MAP3K19: variants seen among roughly 807,000 people sequenced by gnomAD.
The protein encoded by MAP3K19 is mitogen-activated protein kinase kinase kinase 19, also known as SPS1/STE20-related protein kinase YSK4.
MAP3K19 carries 91 observed loss-of-function variants against 114.4 expected under a neutral mutation model. The ratio of observed to expected loss-of-function variants is 0.80; its 90% CI spans 0.67 to 0.95. MAP3K19 has a LOEUF of 0.95. Among genes scored for constraint, MAP3K19 ranks in the 40% least tolerant of loss-of-function variants. MAP3K19 has a pLI of 0.00. For missense variants in MAP3K19, 1,471 were observed against 1,573.2 expected, an observed-to-expected ratio of 0.94 and a Z score of 1.10; for synonymous variants, 518 against 530.5, an observed-to-expected ratio of 0.98 and a Z score of 0.32.
intron 6 of MAP3K19, among the ~76,000 whole-genome samples, chr2:135,004,399 T>C (rs992347684): frequency 6.6e-6 from 1 of 152,094 alleles, no homozygotes; most frequent in Non-Finnish European, 1.5e-5. Context: ...AGATTCCCAG[T>C]GGGCGTGAGA....
chr2:134,986,428 A>G lies in MAP3K19; in HGVS notation c.2444T>C (p.Met815Thr). The change falls in exon 10 of 13, where the codon ATG becomes ACG. Residue 815 changes from methionine (M) to threonine (T), a missense_variant. By Grantham distance (81) the Met-to-Thr change is moderately conservative. Coordinates refer to ENST00000392915, the MANE Select transcript of MAP3K19 (RefSeq NM_025052.5). ...GTCTCTATCACCAGTAGACTCTTCCATAGAAACTTCTTCAACAATGGATAA... is the reference window on the plus strand; with the variant it reads ...GTCTCTATCACCAGTAGACTCTTCCGTAGAAACTTCTTCAACAATGGATAA... ...SDLSIVEEVS[M>T]EESTGDRDIS... 1 of 1,614,032 alleles carries G rather than the reference A, an allele frequency of 6.2e-7. No homozygotes were observed. Among genetic ancestry groups the G allele is most frequent in the Non-Finnish European group, 8.5e-7 (1 of 1,180,034 alleles).
chr2:135,025,372 C>CTTT (rs1054458367), intron 3 of MAP3K19, among the ~76,000 whole-genome samples: 2 of 70,138 alleles, frequency 2.9e-5, no homozygotes, highest in African/African-American at 7.1e-5. Context: ...ATGGCCTTTT[C>CTTT]TTTTCTTTTT....
At chr2:134,968,599 GGTT>G (rs1680972275) in intron 12 of MAP3K19, among the ~76,000 whole-genome samples, 2 of 149,806 alleles carry the variant, frequency 1.3e-5, no homozygotes, top group South Asian at 4.2e-4. Flanking sequence ...CAGACGGGGC[GGTT>G]GCCAGGCAGA....
At chr2:135,007,000 C>T (rs1019432748) in intron 5 of MAP3K19, among the ~76,000 whole-genome samples, 1 of 151,530 alleles carries the variant, frequency 6.6e-6, no homozygotes, top group Non-Finnish European at 1.5e-5. Context: ...CCCATCTCTA[C>T]AAAAAATACA....
In MAP3K19 at chr2:134,980,814, T is replaced by C. The variant is rs1342477346; in HGVS notation, c.3920+7A>G. On this transcript the variant is annotated splice_region_variant and intron_variant, in intron 12 of 12. Coordinates refer to ENST00000392915, the MANE Select transcript of MAP3K19 (RefSeq NM_025052.5). Reference sequence around the variant, plus strand: ...TTATCTTCCTCCTCTTGCTTTCAGTTTCTTACCTGGTCAGGCACATGCGCA... The same window carrying C: ...TTATCTTCCTCCTCTTGCTTTCAGTCTCTTACCTGGTCAGGCACATGCGCA... 1.2e-6 allele frequency: 2 copies of C among 1,605,724 alleles called. No homozygotes were observed. Among genetic ancestry groups the C allele is most frequent in the East Asian group, 4.5e-5 (2 of 44,662 alleles).
rs1688624374 is a variant in MAP3K19 at position 135,040,471 on chromosome 2, G to A, written c.-392C>T. On this transcript the variant is annotated 5_prime_UTR_variant, in exon 2 of 13. Transcript: ENST00000392915. ...ATTGGACTTCGGTAATATAGTCACA[G>A]ATGAGTTCCACATCACCTCTTGAAA... 1 of 152,608 alleles carries A rather than the reference G, an allele frequency of 6.6e-6. No homozygotes were observed. Among genetic ancestry groups the A allele is most frequent in the African/African-American group, 2.4e-5 (1 of 41,444 alleles). 9.5% of individuals were successfully genotyped at this position (152,608 alleles called of 1,614,324 possible).
chr2:134,981,343 T>A lies in MAP3K19; in HGVS notation c.3398A>T (p.Glu1133Val). Residue 1133 changes from glutamate to valine, a missense_variant, in exon 12 of 13, where the codon GAG becomes GTG. Physicochemically the swap from Glu to Val is moderately radical, Grantham distance 121 (BLOSUM62 -2). Coordinates refer to ENST00000392915, the MANE Select transcript of MAP3K19 (RefSeq NM_025052.5). Reference protein sequence around the residue: ...IVAYLGTCLQENTVSIFMEFV... With the variant: ...IVAYLGTCLQVNTVSIFMEFV... ...CTCCATGAAAATGCTCACAGTGTTC[T>A]CTTGCAAGCATGTCCCCAAATAGGC... 1 of 1,614,238 alleles carries A rather than the reference T, an allele frequency of 6.2e-7. No homozygotes were observed. Among genetic ancestry groups the A allele is most frequent in the Non-Finnish European group, 8.5e-7 (1 of 1,180,048 alleles).
intron 12 of MAP3K19, among the ~76,000 whole-genome samples, chr2:134,978,098 G>A (rs533725120): frequency 1.3e-5 from 2 of 152,056 alleles, no homozygotes; most frequent in South Asian, 4.2e-4. Context: ...TTGATGCCAT[G>A]CATTTCTGTT....
intron 12 of MAP3K19, among the ~76,000 whole-genome samples, chr2:134,980,482 A>C (rs1008235277): frequency 6.6e-6 from 1 of 152,182 alleles, no homozygotes; most frequent in African/African-American, 2.4e-5. Context: ...AGATGATGTC[A>C]TTTCACCCTA....
chr2:134,990,080 C>T (rs1685451424), intron 9 of MAP3K19, among the ~76,000 whole-genome samples: 1 of 146,886 alleles, frequency 6.8e-6, no homozygotes, highest in Non-Finnish European at 1.5e-5. Flanking sequence ...GAGACTCTGT[C>T]TCAAAAAAAA....
chr2:134,998,877 T>C lies in MAP3K19; in HGVS notation c.435A>G (p.Lys145=), dbSNP rs1262744900. The change falls in exon 8 of 13, where the codon AAA becomes AAG. Residue 145 remains lysine, a synonymous_variant. Coordinates refer to ENST00000392915, the MANE Select transcript of MAP3K19 (RefSeq NM_025052.5). Reference sequence around the variant, plus strand: ...TGCAGAGCTCCCTGGAACTTTCCTCTTTTTGCAAAACTAAGGGCCGCATGG... The same window carrying C: ...TGCAGAGCTCCCTGGAACTTTCCTCCTTTTGCAAAACTAAGGGCCGCATGG... ...KLTMRPLVLQ[K]EESSRELCNV... 3 of 1,614,124 alleles carry C rather than the reference T, an allele frequency of 1.9e-6. No individual in the cohort carries two copies. The highest frequency in any genetic ancestry group is 2.7e-5 in the African/African-American group (2 of 74,946).
At chr2:135,032,406 C>T (rs995418136) in intron 2 of MAP3K19, among the ~76,000 whole-genome samples, 6 of 150,284 alleles carry the variant, frequency 4.0e-5, no homozygotes, top group African/African-American at 1.5e-4. Flanking sequence ...GTCAGTTCCT[C>T]AAATGATTAA....
chr2:134,978,230 A>G (rs1299450028), intron 12 of MAP3K19, among the ~76,000 whole-genome samples: 2 of 148,558 alleles, frequency 1.3e-5, no homozygotes, highest in Admixed American at 6.8e-5. Flanking sequence ...TCTGTCCCTT[A>G]GGCTGGAGTG....
chr2:134,984,189 C>T (rs1684923498), intron 10 of MAP3K19, among the ~76,000 whole-genome samples: 1 of 152,130 alleles, frequency 6.6e-6, no homozygotes, highest in Admixed American at 6.5e-5. Flanking sequence ...ATCTCCTCAG[C>T]CCCCTAACCT....
At position 134,964,922 on chromosome 2, in the gene MAP3K19, A is replaced by G; in HGVS notation, c.3921-6T>C. On this transcript the variant is annotated splice_region_variant and splice_polypyrimidine_tract_variant and intron_variant, in intron 12 of 12. Transcript: ENST00000392915. ...AAGGTCGCTCATGCTGGTCCCTAAG[A>G]AGGGAAAAACACATTAGAAGCAGCA... 6.2e-7 allele frequency: 1 copy of G among 1,610,880 alleles called. No individual in the cohort carries two copies. The highest frequency in any genetic ancestry group is 8.5e-7 in the Non-Finnish European group (1 of 1,177,850).
intron 5 of MAP3K19, among the ~76,000 whole-genome samples, chr2:135,008,289 A>G: frequency 6.6e-6 from 1 of 151,972 alleles, no homozygotes. Context: ...TGCCCGCCTT[A>G]TTTTTGTATT....
intron 5 of MAP3K19, among the ~76,000 whole-genome samples, chr2:135,007,315 A>G (rs1036430893): frequency 2.0e-5 from 3 of 152,220 alleles, no homozygotes; most frequent in Admixed American, 2.0e-4. Flanking sequence ...GTACATAGGT[A>G]TATATATTTA....
chr2:134,990,270 G>A lies in MAP3K19; in HGVS notation c.618+1267C>T, dbSNP rs539301149. 1.3e-4 allele frequency among the ~76,000 whole-genome samples: 20 copies of A among 152,162 alleles called. 1 individual carries two copies. The South Asian group carries it at 3.7e-3, about 28-fold the overall frequency. On this transcript the variant is annotated intron_variant, in intron 9 of 12. Transcript: ENST00000392915. ...CTTGAACAACAGGGCTTCAAACTAC[G>A]CAAGTCCACCTATATGTGGATTTTC... is the stretch of plus-strand genomic sequence containing the variant.
At chr2:134,973,638 CTGGT>C (rs966700682) in intron 12 of MAP3K19, among the ~76,000 whole-genome samples, 6 of 152,088 alleles carry the variant, frequency 3.9e-5, no homozygotes, top group South Asian at 2.1e-4. Context: ...TGATTGTTTT[CTGGT>C]TGGTTTGTTT....
Sources: gnomAD v4.1 joint callset for allele counts (sites outside exome capture counted in the v4.1 genomes callset) on GRCh38, gnomAD v4.1.1 for gene constraint, MANE v1.5 for transcripts, NCBI Gene and HGNC (gene_info 2026-07-23, HGNC 2026-07-21) for gene names.